The following ZNF354B variants were observed in gnomAD, a reference collection of about 807,000 sequenced individuals.
ZNF354B encodes zinc finger protein 354B.
A neutral mutation model predicts 12.9 loss-of-function variants in ZNF354B; 10 were observed. That is an observed-to-expected ratio of 0.77 (90% CI 0.48 to 1.31). The LOEUF is 1.31. Among genes scored for constraint, ZNF354B ranks in the 40% most tolerant of loss-of-function variants. ZNF354B has a pLI of 0.00. For missense variants in ZNF354B, 614 were observed against 711.7 expected (o/e 0.86, Z 1.56); for synonymous variants, 260 against 243.7 (o/e 1.07, Z -0.62).
At chr5:178,866,474 T>C in intron 3 of ZNF354B, 104 bp downstream of exon 3, 3 of 1,489,094 alleles carry the variant, frequency 2.0e-6, no homozygotes, top group Non-Finnish European at 2.7e-6. Flanking sequence ...TGAGCTCAGT[T>C]TGAGGATTGT....
At chr5:178,870,135 C>G (rs1757539298) in intron 4 of ZNF354B, among the ~76,000 whole-genome samples, 2 of 152,098 alleles carry the variant, frequency 1.3e-5, no homozygotes, top group Non-Finnish European at 1.5e-5. Context: ...AACATAGACC[C>G]TGTCTGTGTT....
chr5:178,863,020 C>T (rs963085785), intron 2 of ZNF354B, among the ~76,000 whole-genome samples: 1 of 152,174 alleles, frequency 6.6e-6, no homozygotes, highest in Non-Finnish European at 1.5e-5. Context: ...CTTGGCTGCC[C>T]TGGACCTTGT....
At chr5:178,862,145 C>T (rs775668435) in intron 2 of ZNF354B, among the ~76,000 whole-genome samples, 2 of 152,058 alleles carry the variant, frequency 1.3e-5, no homozygotes. Context: ...GAGGGCTTTA[C>T]ATTTGTTCTC....
At chr5:178,881,914 C>T (rs1757723862) in intron 4 of ZNF354B, among the ~76,000 whole-genome samples, 1 of 152,206 alleles carries the variant, frequency 6.6e-6, no homozygotes, top group Non-Finnish European at 1.5e-5. Context: ...GGTAGTTTTA[C>T]TTTCTCTTTA....
chr5:178,876,499 C>T lies in ZNF354B; in HGVS notation c.257-6210C>T, dbSNP rs549976736. Among the ~76,000 whole-genome samples the T allele has an allele frequency of 3.9e-5, 6 of 152,328 alleles. No homozygotes were observed. In the South Asian group the frequency reaches 8.3e-4, roughly 21 times the overall value. On this transcript the variant is annotated intron_variant, in intron 4 of 4. Coordinates refer to ENST00000322434, the MANE Select transcript of ZNF354B (RefSeq NM_058230.3). ...CCTAGGCAGGGCTGGTGTGACCATG[C>T]GAGGGTCCCAGGACGATGCATATTT...
At chr5:178,862,137 G>A (rs984524275) in intron 2 of ZNF354B, among the ~76,000 whole-genome samples, 1 of 151,994 alleles carries the variant, frequency 6.6e-6, no homozygotes, top group Admixed American at 6.6e-5. Context: ...AATGGGCTGA[G>A]GGCTTTACAT....
intron 4 of ZNF354B, 42 bp downstream of exon 4, chr5:178,867,113 A>T (rs1469288745): frequency 1.3e-6 from 2 of 1,555,848 alleles, no homozygotes; most frequent in African/African-American, 2.7e-5. Flanking sequence ...GCCGCAGACA[A>T]TGGTCTGGTT....
chr5:178,869,303 G>A (rs1014582805), intron 4 of ZNF354B, among the ~76,000 whole-genome samples: 63 of 152,230 alleles, frequency 4.1e-4, no homozygotes, highest in African/African-American at 1.4e-3. Context: ...GCTGGGGAGA[G>A]CTTTCTCGTG....
chr5:178,882,510 T>G (rs1757731382), intron 4 of ZNF354B, among the ~76,000 whole-genome samples, 199 bp from the exon 5 acceptor site: 1 of 152,216 alleles, frequency 6.6e-6, no homozygotes, highest in Non-Finnish European at 1.5e-5. Context: ...CTCACCCGCC[T>G]TAACTGAGTT....
rs1757752658 is a variant in ZNF354B at position 178,883,472 on chromosome 5, C to T, written c.1020C>T (p.Ser340=). The change falls in exon 5 of 5, where the codon TCC becomes TCT. Residue 340 remains serine, a synonymous_variant. Coordinates refer to ENST00000322434, the MANE Select transcript of ZNF354B (RefSeq NM_058230.3). The part of the protein sequence containing the change: ...PGRKASSYST[S]LSGSQKIHLR... ...GGAAGGCATCCAGTTACAGCACTTC[C>T]CTTTCTGGAAGTCAGAAAATTCATC... 1.2e-6 allele frequency: 2 copies of T among 1,614,062 alleles called. No individual in the cohort carries two copies. The highest frequency in any genetic ancestry group is 1.6e-4 in the Middle Eastern group (1 of 6,062).
At chr5:178,875,307 C>T (rs1757621049) in intron 4 of ZNF354B, among the ~76,000 whole-genome samples, 1 of 152,194 alleles carries the variant, frequency 6.6e-6, no homozygotes, top group African/African-American at 2.4e-5. Flanking sequence ...TTTCACTTGT[C>T]TATGGGCCTC....
intron 4 of ZNF354B, among the ~76,000 whole-genome samples, chr5:178,873,631 T>A (rs1056517591): frequency 6.6e-6 from 1 of 152,180 alleles, no homozygotes. Context: ...GTTCTGTGTT[T>A]CTGTTCCTCT....
chr5:178,874,437 T>C (rs951768325), intron 4 of ZNF354B, among the ~76,000 whole-genome samples: 3 of 152,176 alleles, frequency 2.0e-5, no homozygotes, highest in African/African-American at 7.2e-5. Context: ...TGTTCATTGG[T>C]TTTTATTCTT....
chr5:178,880,682 A>G (rs1000848244), intron 4 of ZNF354B, among the ~76,000 whole-genome samples: 1 of 150,990 alleles, frequency 6.6e-6, no homozygotes, highest in Non-Finnish European at 1.5e-5. Context: ...TGTTTTAGAG[A>G]TGGGATCTTA....
At chr5:178,881,538 C>T (rs1448392363) in intron 4 of ZNF354B, among the ~76,000 whole-genome samples, 1 of 152,078 alleles carries the variant, frequency 6.6e-6, no homozygotes, top group Non-Finnish European at 1.5e-5. Flanking sequence ...TATAAAATTT[C>T]CCTTATATAG....
intron 2 of ZNF354B, among the ~76,000 whole-genome samples, chr5:178,862,207 A>G (rs77087605): frequency 0.15 from 22,606 of 151,976 alleles, 2,064 homozygotes; most frequent in African/African-American, 0.26. Context: ...ATGTGAGGAA[A>G]CTGAGGCTCA....
chr5:178,862,754 G>A (rs977121035), intron 2 of ZNF354B, among the ~76,000 whole-genome samples: 3 of 152,198 alleles, frequency 2.0e-5, no homozygotes, highest in Admixed American at 6.5e-5. Flanking sequence ...GCTGGTATTT[G>A]TCCTCGAAGG....
chr5:178,865,109 G>A (rs115622094), intron 2 of ZNF354B, among the ~76,000 whole-genome samples: 1,588 of 152,224 alleles, frequency 0.01, 19 homozygotes, highest in Middle Eastern at 0.044. Flanking sequence ...ATGTGAGCCC[G>A]ATATGGTTTT....
At chr5:178,861,482 C>T (rs1242836243) in intron 2 of ZNF354B, among the ~76,000 whole-genome samples, 2 of 152,210 alleles carry the variant, frequency 1.3e-5, no homozygotes, top group Non-Finnish European at 2.9e-5. Context: ...CCCCAGGCTT[C>T]TCCAACGCAT....
Sources: gnomAD v4.1 joint callset for allele counts (sites outside exome capture counted in the v4.1 genomes callset) on GRCh38, gnomAD v4.1.1 for gene constraint, MANE v1.5 for transcripts, NCBI Gene and HGNC (gene_info 2026-07-23, HGNC 2026-07-21) for gene names.